Variants in VTCN1 observed in about 807,000 individuals in gnomAD.
VTCN1 encodes V-set domain-containing T-cell activation inhibitor 1.
Under a neutral mutation model 26.5 loss-of-function variants are expected in VTCN1, and 26 were observed. The ratio of observed to expected loss-of-function variants is 0.98; its 90% CI spans 0.72 to 1.36. The LOEUF (loss-of-function observed/expected upper bound fraction) is 1.36, where lower values mean the gene tolerates loss of function less well. VTCN1 is among the 40% of genes most tolerant of loss of function. The probability of loss-of-function intolerance (pLI) is 0.00; values close to 1 mark genes in which losing one functional copy is unlikely to be tolerated. For synonymous variants in VTCN1, 116 were observed against 130.7 expected (o/e 0.89, Z 0.77); for missense variants, 298 against 337.7 (o/e 0.88, Z 0.92).
chr1:117,157,061 A>C lies in VTCN1; in HGVS notation c.98-140T>G, dbSNP rs1319849592. On this transcript the variant is annotated intron_variant, in intron 2 of 5. Transcript: ENST00000369458. ...GAACATGAGAGGCAATAAGAAGACA[A>C]GAAGAGAAAGAGCAGGAAGACAATC... 12 of 1,444,332 alleles carry C rather than the reference A, an allele frequency of 8.3e-6. No individual in the cohort carries two copies. The East Asian group carries it at 2.1e-4, about 25-fold the overall frequency. 89.5% of individuals were successfully genotyped at this position (1,444,332 alleles called of 1,614,324 possible).
chr1:117,170,230 T>A, intron 1 of VTCN1, 59 bp from the exon 2 acceptor site: 1 of 1,496,692 alleles, frequency 6.7e-7, no homozygotes, highest in Non-Finnish European at 9.3e-7. Flanking sequence ...ATGTGCTGCT[T>A]TGCAACTGGG....
rs1652018854 is a variant in VTCN1, at chr1:117,155,361, G to C, written c.445+1213C>G. 6.6e-6 allele frequency among the ~76,000 whole-genome samples: 1 copy of C among 152,148 alleles called. No homozygotes were observed. The highest frequency in any genetic ancestry group is 6.5e-5 in the Admixed American group (1 of 15,282). ...GTCCAATATACCCTGAGTGGGATAG[G>C]GAAGGTTTCAAGCTCCACTTTTTGG... On this transcript the variant is annotated intron_variant, in intron 3 of 5. Coordinates refer to ENST00000369458, the MANE Select transcript of VTCN1 (RefSeq NM_024626.4). The surrounding 1 kb of genome is among the most constrained non-coding windows in gnomAD (Gnocchi z 4.8).
At chr1:117,149,582 T>C (rs1651689728) in intron 4 of VTCN1, among the ~76,000 whole-genome samples, 1 of 152,162 alleles carries the variant, frequency 6.6e-6, no homozygotes, top group South Asian at 2.1e-4. Context: ...CAGCCGGAAC[T>C]CTGCCTTATC....
rs1177019315 is a variant in VTCN1 at position 117,145,231 on chromosome 1, A to G, written c.*46-6T>C. On this transcript the variant is annotated splice_polypyrimidine_tract_variant and splice_region_variant and intron_variant, in intron 5 of 5. Transcript: ENST00000369458. This position sits in a 1 kb window ranked among gnomAD's most constrained non-coding sequence, Gnocchi z 4.6. Reference sequence around the variant, plus strand: ...TGAAATAGTTCTGTAGATCCCTGGGATTGTGGAAATAACAGCAATAAGATA... The same window carrying G: ...TGAAATAGTTCTGTAGATCCCTGGGGTTGTGGAAATAACAGCAATAAGATA... 1 of 152,160 alleles carries G rather than the reference A, an allele frequency of 6.6e-6. No individual in the cohort carries two copies. The highest frequency in any genetic ancestry group is 3.2e-3 in the Middle Eastern group (1 of 316). 9.4% of individuals were successfully genotyped at this position (152,160 alleles called of 1,614,324 possible).
chr1:117,176,963 G>A (rs552869624), intron 1 of VTCN1, among the ~76,000 whole-genome samples: 1 of 152,252 alleles, frequency 6.6e-6, no homozygotes, highest in African/African-American at 2.4e-5. Flanking sequence ...GCCGAGCGTG[G>A]TGGTGTGCAT....
At chr1:117,150,328 C>T (rs1557858932) in intron 4 of VTCN1, among the ~76,000 whole-genome samples, 1 of 152,214 alleles carries the variant, frequency 6.6e-6, no homozygotes, top group East Asian at 1.9e-4. Flanking sequence ...GCCATATGGA[C>T]TAAAACAAGA....
intron 2 of VTCN1, among the ~76,000 whole-genome samples, chr1:117,160,588 T>C (rs1030844094): frequency 6.6e-6 from 1 of 152,238 alleles, no homozygotes; most frequent in Non-Finnish European, 1.5e-5. Flanking sequence ...GCTCCATACA[T>C]ATTAGCCCTT....
At chr1:117,152,231 T>A (rs1307299928) in intron 4 of VTCN1, among the ~76,000 whole-genome samples, 2 of 152,210 alleles carry the variant, frequency 1.3e-5, no homozygotes, top group African/African-American at 4.8e-5. Flanking sequence ...TTCATATGTA[T>A]AATTTCAAAT....
At chr1:117,165,116 G>A (rs931667827) in intron 2 of VTCN1, among the ~76,000 whole-genome samples, 1 of 152,240 alleles carries the variant, frequency 6.6e-6, no homozygotes, top group East Asian at 1.9e-4. Flanking sequence ...AACTCTGTGT[G>A]AACGTTGTCA....
At chr1:117,210,697 C>A in intron 1 of VTCN1, 127 bp downstream of exon 1, 1 of 1,014,822 alleles carries the variant, frequency 9.9e-7, no homozygotes, top group Non-Finnish European at 1.5e-6. Context: ...CTCCCGCTGG[C>A]CCAATGCTGG....
intron 1 of VTCN1, 76 bp downstream of exon 1, chr1:117,210,748 G>A: frequency 1.3e-6 from 2 of 1,509,466 alleles, no homozygotes; most frequent in Non-Finnish European, 1.8e-6. Flanking sequence ...GGACAGCCCA[G>A]CAGTGCTCAG....
chr1:117,207,395 C>T (rs1040424402), intron 1 of VTCN1, among the ~76,000 whole-genome samples: 1 of 152,060 alleles, frequency 6.6e-6, no homozygotes, highest in Non-Finnish European at 1.5e-5. Flanking sequence ...TAATCTCTAT[C>T]CTGGCCTCTT....
intron 1 of VTCN1, among the ~76,000 whole-genome samples, chr1:117,181,201 G>A (rs553360712): frequency 3.4e-4 from 51 of 150,488 alleles, no homozygotes; most frequent in African/African-American, 1.1e-3. Context: ...AGAATTGCTC[G>A]AGGCCAGGAG....
chr1:117,188,620 C>T (rs981420223), intron 1 of VTCN1, among the ~76,000 whole-genome samples: 1 of 152,190 alleles, frequency 6.6e-6, no homozygotes, highest in African/African-American at 2.4e-5. Flanking sequence ...AAGTGTCAGA[C>T]ATCATGCCTG....
chr1:117,164,238 C>T (rs950492001), intron 2 of VTCN1, among the ~76,000 whole-genome samples: 6 of 152,128 alleles, frequency 3.9e-5, no homozygotes, highest in African/African-American at 1.4e-4. Flanking sequence ...ATCTCTAGGG[C>T]TGTCTTGCTG....
chr1:117,210,310 G>A (rs1274242671), intron 1 of VTCN1, among the ~76,000 whole-genome samples: 1 of 152,120 alleles, frequency 6.6e-6, no homozygotes, highest in Non-Finnish European at 1.5e-5. Flanking sequence ...GGGGGCCTGG[G>A]GAGGGGTGTT....
chr1:117,207,149 A>G lies in VTCN1; in HGVS notation c.32+3675T>C, dbSNP rs75810860. ...GCTTGCAAACTTAGGAGAAATGGGA[A>G]ACCAAAATTCCAAAGCAAACTCCCT... is the stretch of plus-strand genomic sequence containing the variant. On this transcript the variant is annotated intron_variant, in intron 1 of 5. Coordinates refer to ENST00000369458, the MANE Select transcript of VTCN1 (RefSeq NM_024626.4). Among the ~76,000 whole-genome samples, 1,260 of 152,248 alleles carry G rather than the reference A, an allele frequency of 8.3e-3. 17 individuals carry two copies. Among genetic ancestry groups the G allele is most frequent in the African/African-American group, 0.029 (1,216 of 41,534 alleles).
At position 117,144,918 on chromosome 1, in the gene VTCN1, C is replaced by T. The variant is rs1243784200; in HGVS notation, c.*353G>A. 6.6e-6 allele frequency: 1 copy of T among 152,648 alleles called. No homozygotes were observed. The highest frequency in any genetic ancestry group is 2.4e-5 in the African/African-American group (1 of 41,450). 9.5% of individuals were successfully genotyped at this position (152,648 alleles called of 1,614,324 possible). A position where few individuals can be genotyped will look rare whatever the true frequency, so the allele number is the denominator to read the frequency against. ...AAAATTCAGAGACAAAGAACATGCA[C>T]TATCCTGTCCTCTCACTCCCCAGGT... On this transcript the variant is annotated 3_prime_UTR_variant, in exon 6 of 6. Transcript: ENST00000369458.
chr1:117,173,252 C>T (rs551353556), intron 1 of VTCN1: 31 of 703,838 alleles, frequency 4.4e-5, no homozygotes, highest in South Asian at 3.1e-4. Context: ...GAATAAATTC[C>T]GGACACAATT....
Sources: gnomAD v4.1 joint callset for allele counts (sites outside exome capture counted in the v4.1 genomes callset) on GRCh38, gnomAD v4.1.1 for gene constraint, Gnocchi (gnomAD v3.1) non-coding constraint, MANE v1.5 for transcripts, NCBI Gene and HGNC (gene_info 2026-07-23, HGNC 2026-07-21) for gene names.